Variants in PRKACB observed in about 807,000 individuals in gnomAD.
PRKACB encodes protein kinase cAMP-activated catalytic subunit beta.
A neutral mutation model predicts 51.4 loss-of-function variants in PRKACB; 16 were observed. That is an observed-to-expected ratio of 0.31 (90% CI 0.21 to 0.47). The LOEUF is 0.47. PRKACB is among the 20% of genes least tolerant of loss of function. The pLI is 1.00. For missense variants in PRKACB, 309 were observed against 464.5 expected, an observed-to-expected ratio of 0.67 and a Z score of 3.08; for synonymous variants, 147 against 154.4, an observed-to-expected ratio of 0.95 and a Z score of 0.35.
chr1:84,198,862 T>C (rs1668972752), intron 7 of PRKACB, among the ~76,000 whole-genome samples: 2 of 149,282 alleles, frequency 1.3e-5, no homozygotes, highest in South Asian at 4.2e-4. Flanking sequence ...TATGTGTATA[T>C]ATATACACCA....
upstream of PRKACB, among the ~76,000 whole-genome samples, chr1:84,142,341 G>T (rs532921944): frequency 6.6e-6 from 1 of 152,246 alleles, no homozygotes; most frequent in East Asian, 1.9e-4. Flanking sequence ...CCTTGAAGAT[G>T]ATTAGAATTT....
intron 2 of PRKACB, chr1:84,181,544 T>C: frequency 7.5e-6 from 4 of 535,294 alleles, no homozygotes; most frequent in Non-Finnish European, 1.2e-5. Context: ...ATTATTGTTC[T>C]GGGATTCTGG....
chr1:84,132,790 TGA>T (rs1330046251), intron 1 of PRKACB, among the ~76,000 whole-genome samples: 1 of 151,758 alleles, frequency 6.6e-6, no homozygotes, highest in Non-Finnish European at 1.5e-5. Context: ...AAAGAATCAG[TGA>T]GGCAAAAATA....
chr1:84,208,025 G>A (rs1488534635), intron 8 of PRKACB, among the ~76,000 whole-genome samples: 2 of 151,960 alleles, frequency 1.3e-5, no homozygotes, highest in Non-Finnish European at 2.9e-5. Context: ...GTGCCACCAC[G>A]CCCGGCTAAT....
intron 2 of PRKACB, among the ~76,000 whole-genome samples, chr1:84,179,965 GCCC>G (rs1287675998): frequency 6.9e-6 from 1 of 144,770 alleles, no homozygotes; most frequent in Non-Finnish European, 1.5e-5. Flanking sequence ...CCCGCGACAG[GCCC>G]CGGTGTGTGA....
upstream of PRKACB, chr1:84,144,142 A>G (rs1653714756): frequency 1.2e-6 from 1 of 855,898 alleles, no homozygotes; most frequent in Admixed American, 3.8e-5. Flanking sequence ...AGATATTGCA[A>G]GTTTTTAAAA....
intron 1 of PRKACB, chr1:84,164,267 G>T: frequency 1.4e-6 from 2 of 1,465,766 alleles, no homozygotes; most frequent in South Asian, 2.8e-5. Context: ...CAGCGATCTC[G>T]GCAATAAGAT....
chr1:84,223,375 TTTG>T (rs1558324959), intron 9 of PRKACB, among the ~76,000 whole-genome samples: 1 of 62,662 alleles, frequency 1.6e-5, no homozygotes, highest in Non-Finnish European at 3.6e-5. Flanking sequence ...TTTTTGTTTT[TTTG>T]TTTTTTTTGA....
intron 1 of PRKACB, among the ~76,000 whole-genome samples, chr1:84,178,089 C>T (rs893247274): frequency 6.6e-6 from 1 of 151,860 alleles, no homozygotes; most frequent in African/African-American, 2.4e-5. Context: ...TTTAAAATGC[C>T]AAAAGCCTTT....
At chr1:84,087,797 C>G (rs1648136242) in intron 1 of PRKACB, among the ~76,000 whole-genome samples, 1 of 152,122 alleles carries the variant, frequency 6.6e-6, no homozygotes, top group African/African-American at 2.4e-5. Context: ...TACTATTATG[C>G]AAATAAATTG....
chr1:84,172,683 T>C (rs1659928812), intron 1 of PRKACB, among the ~76,000 whole-genome samples: 1 of 149,244 alleles, frequency 6.7e-6, no homozygotes, highest in African/African-American at 2.4e-5. Flanking sequence ...TATAAAACTA[T>C]AGTAAAAATT....
At chr1:84,078,461 C>A in intron 1 of PRKACB, 1 of 1,495,818 alleles carries the variant, frequency 6.7e-7, no homozygotes, top group Non-Finnish European at 9.1e-7. Flanking sequence ...AGGCCGCGGG[C>A]ACGGGCCAGG....
At chr1:84,100,482 T>A (rs1472243) in intron 1 of PRKACB, among the ~76,000 whole-genome samples, 75,017 of 151,960 alleles carry the variant, frequency 0.49, 18,959 homozygotes, top group Non-Finnish European at 0.56. Context: ...AAAGTGGCTT[T>A]TATCTCAGAA....
At chr1:84,091,109 A>G (rs1441866217) in intron 1 of PRKACB, among the ~76,000 whole-genome samples, 1 of 151,882 alleles carries the variant, frequency 6.6e-6, no homozygotes, top group Non-Finnish European at 1.5e-5. Flanking sequence ...CTGGCCTGTG[A>G]TTTACAGTAT....
intron 9 of PRKACB, 98 bp from the exon 10 acceptor site, chr1:84,235,082 C>G: frequency 3.1e-6 from 4 of 1,303,762 alleles, no homozygotes; most frequent in Non-Finnish European, 4.2e-6. Context: ...AAGGATTTCA[C>G]CGTGTAATAA....
rs148668263 is a variant in PRKACB, at chr1:84,148,000, A to T, written c.187+3452A>T. On this transcript the variant is annotated intron_variant, in intron 1 of 9. Transcript: ENST00000370685. ...AAGATTTTAACTAGCATAATACAGG[A>T]TAAGTTAACTTACTTTACTACAGAG... Among the ~76,000 whole-genome samples, 465 of 152,284 alleles carry T rather than the reference A, an allele frequency of 3.1e-3. 2 individuals carry two copies. The highest frequency in any genetic ancestry group is 5.3e-3 in the Admixed American group (81 of 15,304).
intron 4 of PRKACB, 74 bp downstream of exon 4, chr1:84,184,209 T>C: frequency 1.6e-6 from 2 of 1,289,832 alleles, no homozygotes; most frequent in Non-Finnish European, 2.1e-6. Context: ...AAATGGATTC[T>C]AAACCAGATG....
At chr1:84,184,195 C>A in intron 4 of PRKACB, 60 bp downstream of exon 4, 1 of 1,413,988 alleles carries the variant, frequency 7.1e-7, no homozygotes, top group Non-Finnish European at 9.6e-7. Flanking sequence ...TAAGATGAAA[C>A]TATAAATGGA....
intron 1 of PRKACB, among the ~76,000 whole-genome samples, chr1:84,126,271 G>T (rs1034241322): frequency 6.6e-6 from 1 of 152,144 alleles, no homozygotes; most frequent in African/African-American, 2.4e-5. Flanking sequence ...GAAGAATAAG[G>T]TCATATGAAT....
Sources: allele counts gnomAD v4.1 joint callset (sites outside exome capture counted in the v4.1 genomes callset), GRCh38; gene constraint gnomAD v4.1.1; transcripts MANE v1.5; gene names NCBI Gene and HGNC (gene_info 2026-07-23, HGNC 2026-07-21).